STS: variants seen among roughly 807,000 people sequenced by gnomAD.
STS encodes the protein steryl-sulfatase.
Under a neutral mutation model 26.8 loss-of-function variants are expected in STS, and 7 were observed. That is an observed-to-expected ratio of 0.26 (90% CI 0.15 to 0.49). STS has a LOEUF of 0.49. STS is among the 20% of genes least tolerant of loss of function. The probability of loss-of-function intolerance (pLI) is 0.98; values close to 1 mark genes in which losing one functional copy is unlikely to be tolerated. For synonymous variants in STS, 199 were observed against 189.4 expected (o/e 1.05, Z -0.42); for missense variants, 434 against 465.6 (o/e 0.93, Z 0.63).
chrX:7,250,480 C>T lies in STS; in HGVS notation c.-4-2716C>T, dbSNP rs143245745. ...TTCCAAGCATAAATATTAGCTTAAGCATTAAGATAGACAAGGTTTTTGTTG... is the reference window on the plus strand; with the variant it reads ...TTCCAAGCATAAATATTAGCTTAAGTATTAAGATAGACAAGGTTTTTGTTG... On this transcript the variant is annotated intron_variant, in intron 2 of 10. Coordinates refer to ENST00000674429, the MANE Select transcript of STS (RefSeq NM_001320752.2). 2.5e-3 allele frequency among the ~76,000 whole-genome samples: 276 copies of T among 109,501 alleles called. 1 individual carries two copies. Among genetic ancestry groups the T allele is most frequent in the African/African-American group, 8.9e-3 (268 of 30,136 alleles).
At chrX:7,209,395 AT>A (rs1806109763) in intron 2 of STS, among the ~76,000 whole-genome samples, 1 of 106,567 alleles carries the variant, frequency 9.4e-6, no homozygotes, top group Middle Eastern at 4.9e-3. Flanking sequence ...ATGCATATAT[AT>A]GTATTTATAG....
chrX:7,264,359 G>A (rs1923897679), intron 6 of STS, among the ~76,000 whole-genome samples: 1 of 112,631 alleles, frequency 8.9e-6, no homozygotes, highest in African/African-American at 3.2e-5. Flanking sequence ...AGTATTATTT[G>A]TACAGAGATA....
At chrX:7,322,608 C>G (rs1336019632) in intron 8 of STS, among the ~76,000 whole-genome samples, 1 of 111,787 alleles carries the variant, frequency 8.9e-6, no homozygotes, top group Non-Finnish European at 1.9e-5. Context: ...ACCATGTTGG[C>G]CAGGTTGGTC....
chrX:7,332,754 A>G (rs1927817827), intron 9 of STS, among the ~76,000 whole-genome samples: 1 of 111,699 alleles, frequency 9.0e-6, no homozygotes, highest in Non-Finnish European at 1.9e-5. Context: ...CGGGATGGAA[A>G]CAGTATTTCA....
chrX:7,342,536 T>C (rs190207478), intron 10 of STS, among the ~76,000 whole-genome samples: 38 of 112,562 alleles, frequency 3.4e-4, no homozygotes, highest in African/African-American at 1.1e-3. Flanking sequence ...TGCTCTCAAA[T>C]TGGCTGGCTG....
chrX:7,154,873 C>T (rs1933102194), intron 1 of STS, among the ~76,000 whole-genome samples: 1 of 112,009 alleles, frequency 8.9e-6, no homozygotes, highest in Non-Finnish European at 1.9e-5. Flanking sequence ...AAACAAGGAA[C>T]ATTTGTTTTC....
chrX:7,167,612 T>G (rs1338031579), intron 1 of STS, among the ~76,000 whole-genome samples: 3 of 112,294 alleles, frequency 2.7e-5, no homozygotes, highest in African/African-American at 9.7e-5. Flanking sequence ...CAGAGCTGTC[T>G]ATTTTACCAA....
intron 7 of STS, among the ~76,000 whole-genome samples, chrX:7,279,311 ATG>A (rs532132394): frequency 1.2e-3 from 90 of 78,082 alleles, no homozygotes; most frequent in South Asian, 3.5e-3. Context: ...ATATATATAT[ATG>A]TGTGTGTGTG....
intron 1 of STS, among the ~76,000 whole-genome samples, chrX:7,178,244 A>G (rs189609780): frequency 8.9e-6 from 1 of 112,533 alleles, no homozygotes; most frequent in Admixed American, 9.4e-5. Context: ...GACATGTGCA[A>G]AAGTTTAAAG....
At chrX:7,261,879 CCTT>C (rs1235534842) in intron 6 of STS, among the ~76,000 whole-genome samples, 4 of 112,289 alleles carry the variant, frequency 3.6e-5, no homozygotes, top group Admixed American at 2.8e-4. Context: ...ATCACTTCCT[CCTT>C]CTAAAAATGA....
intron 8 of STS, among the ~76,000 whole-genome samples, chrX:7,316,333 G>A (rs1256340851): frequency 8.9e-6 from 1 of 111,740 alleles, no homozygotes; most frequent in Non-Finnish European, 1.9e-5. Context: ...AATTAGAACA[G>A]GACTGGCCTA....
At chrX:7,306,835 GA>G (rs1926239681) in intron 8 of STS, among the ~76,000 whole-genome samples, 1 of 112,100 alleles carries the variant, frequency 8.9e-6, no homozygotes. Context: ...TGGAAAGAAG[GA>G]GAAGCAGCAA....
At chrX:7,236,194 A>G (rs1922303930) in intron 2 of STS, among the ~76,000 whole-genome samples, 1 of 111,877 alleles carries the variant, frequency 8.9e-6, no homozygotes, top group African/African-American at 3.2e-5. Flanking sequence ...GAGACAGTGA[A>G]AAAAGATTTG....
Position 7,147,964 on chromosome X carries a change from G to A in STS, c.-253G>A. The A allele has an allele frequency of 1.4e-6, 1 of 704,314 alleles. No individual in the cohort carries two copies. Among genetic ancestry groups the A allele is most frequent in the Non-Finnish European group, 2.1e-6 (1 of 473,686 alleles). The allele number at this position is 704,314 out of a possible 1,213,427, so 58.0% of individuals were successfully genotyped here. A position where few individuals can be genotyped will look rare whatever the true frequency, so the allele number is the denominator to read the frequency against. On this transcript the variant is annotated 5_prime_UTR_variant, in exon 1 of 11. Coordinates refer to ENST00000674429, the MANE Select transcript of STS (RefSeq NM_001320752.2). ...CCTGCATGAACACCGCCCCGCCGCG[G>A]CCCCCAGGCCGTGACGTACCCCGCG...
chrX:7,170,387 G>A (rs1158994796), intron 1 of STS, among the ~76,000 whole-genome samples: 4 of 110,755 alleles, frequency 3.6e-5, no homozygotes, highest in Non-Finnish European at 5.7e-5. Flanking sequence ...TGTACAACTG[G>A]GTGAATTCAA....
intron 1 of STS, among the ~76,000 whole-genome samples, chrX:7,150,523 A>G (rs1282300559): frequency 8.9e-6 from 1 of 112,050 alleles, no homozygotes; most frequent in Non-Finnish European, 1.9e-5. Context: ...CCCCGGCCAA[A>G]AAAGAGTATT....
At chrX:7,266,362 G>C (rs1335760273) in intron 6 of STS, among the ~76,000 whole-genome samples, 1 of 111,884 alleles carries the variant, frequency 8.9e-6, no homozygotes, top group Non-Finnish European at 1.9e-5. Flanking sequence ...TGACAAGGAG[G>C]CATAAGGCAA....
At chrX:7,243,683 G>A (rs906790370) in intron 2 of STS, among the ~76,000 whole-genome samples, 2 of 111,813 alleles carry the variant, frequency 1.8e-5, no homozygotes, top group African/African-American at 6.5e-5. Context: ...GGTGATCTGC[G>A]TTTGCTTTTT....
chrX:7,149,864 G>A (rs953331380), intron 1 of STS, among the ~76,000 whole-genome samples: 1 of 111,327 alleles, frequency 9.0e-6, no homozygotes, highest in East Asian at 2.8e-4. Context: ...CCTTTTATAA[G>A]AACACGATTC....
Sources: allele counts gnomAD v4.1 joint callset (sites outside exome capture counted in the v4.1 genomes callset), GRCh38; gene constraint gnomAD v4.1.1; transcripts MANE v1.5; gene names NCBI Gene and HGNC (gene_info 2026-07-23, HGNC 2026-07-21).